Variants in MYO1C observed in about 807,000 individuals in gnomAD.
MYO1C encodes unconventional myosin-Ic.
In MYO1C, 104 loss-of-function variants were observed where a neutral mutation model predicts 150.8. The observed-to-expected ratio is 0.69, with a 90% CI of 0.59 to 0.81. The LOEUF is 0.81. Among genes scored for constraint, MYO1C ranks in the 30% least tolerant of loss-of-function variants. The pLI is 0.00. For synonymous variants in MYO1C, 663 were observed against 579.9 expected (o/e 1.14, Z -2.06); for missense variants, 1,504 against 1,435.0 (o/e 1.05, Z -0.78).
At chr17:1,469,670 G>A (rs2074258122) in intron 24 of MYO1C, 56 bp from the exon 25 acceptor site, 1 of 1,385,374 alleles carries the variant, frequency 7.2e-7, no homozygotes, top group Admixed American at 1.8e-5. Flanking sequence ...TCCCTCTGAA[G>A]ACATCGAACA....
In MYO1C at chr17:1,482,963, C is replaced by T. The variant is rs1474419157; in HGVS notation, c.444G>A (p.Glu148=). 6.2e-7 allele frequency: 1 copy of T among 1,612,414 alleles called. No homozygotes were observed. The highest frequency in any genetic ancestry group is 8.5e-7 in the Non-Finnish European group (1 of 1,179,932). ...ISGESGAGKT[E]ATKRLLQFYA... The stretch of plus-strand genomic sequence containing the variant: ...AGAACTGCAGCAGCCTCTTGGTGGC[C>T]TCGGTCTTGCCTGCCCCGCTCTCCC... The change falls in exon 4 of 32, where the codon GAG becomes GAA. Residue 148 remains glutamate, a synonymous_variant. Coordinates refer to ENST00000648651, the MANE Select transcript of MYO1C (RefSeq NM_001080779.2).
At chr17:1,471,357 G>A (rs544379585) in intron 19 of MYO1C, 21 bp from the exon 20 acceptor site, 162 of 1,605,922 alleles carry the variant, frequency 1.0e-4, no homozygotes, top group Non-Finnish European at 1.2e-4. Context: ...GAATGCACGC[G>A]GCTCCCACCC....
intron 1 of MYO1C, chr17:1,484,974 C>A: frequency 1.8e-6 from 1 of 562,320 alleles, no homozygotes; most frequent in Non-Finnish European, 3.1e-6. Context: ...GGGCCTCCCA[C>A]CCCAGCTGGG....
chr17:1,491,448 C>CT (rs1491196535), intron 1 of MYO1C, among the ~76,000 whole-genome samples: 5 of 37,066 alleles, frequency 1.3e-4, no homozygotes, highest in African/African-American at 2.4e-4. Context: ...GGTCGTGGGA[C>CT]CCCCCCCCCC....
chr17:1,468,620 A>T, intron 25 of MYO1C, 124 bp from the exon 26 acceptor site: 5 of 767,352 alleles, frequency 6.5e-6, no homozygotes, highest in Non-Finnish European at 1.1e-5. Context: ...CTGGCTCAGC[A>T]CCAGGAGGCT....
Position 1,465,604 on chromosome 17 carries a change from T to G in MYO1C, c.*122A>C. 1 of 1,043,232 alleles carries G rather than the reference T, an allele frequency of 9.6e-7. No homozygotes were observed. Among genetic ancestry groups the G allele is most frequent in the South Asian group, 3.4e-5 (1 of 29,784 alleles). 64.6% of individuals were successfully genotyped at this position (1,043,232 alleles called of 1,614,324 possible). ...GAGGGATGGGCAGGAGGTGGGAGATTGCAGGTGGGCTTCGGGGTGTCCCTG... is the reference window on the plus strand; with the variant it reads ...GAGGGATGGGCAGGAGGTGGGAGATGGCAGGTGGGCTTCGGGGTGTCCCTG... On this transcript the variant is annotated 3_prime_UTR_variant, in exon 32 of 32. Coordinates refer to ENST00000648651, the MANE Select transcript of MYO1C (RefSeq NM_001080779.2).
chr17:1,467,098 A>G lies in MYO1C; in HGVS notation c.3165+144T>C, dbSNP rs73976222. The G allele has an allele frequency of 4.7e-3, 3,710 of 793,616 alleles. 102 individuals are homozygous for G. The African/African-American group carries it at 0.056, about 12-fold the overall frequency. 49.2% of individuals were successfully genotyped at this position (793,616 alleles called of 1,614,324 possible). A position where few individuals can be genotyped will look rare whatever the true frequency, so the allele number is the denominator to read the frequency against. On this transcript the variant is annotated intron_variant, in intron 31 of 31. Coordinates refer to ENST00000648651, the MANE Select transcript of MYO1C (RefSeq NM_001080779.2). ...CACTGAGGGGCTCTCTCTGGCCCTC[A>G]TGGGTGGGCCAAGGGATGGAAGAGG...
At position 1,479,956 on chromosome 17, in the gene MYO1C, G is replaced by A. The variant is rs1439664680; in HGVS notation, c.907-251C>T. On this transcript the variant is annotated intron_variant, in intron 7 of 31. Transcript: ENST00000648651. This position sits in a 1 kb window ranked among gnomAD's most constrained non-coding sequence, Gnocchi z 4.2. ...AGGTCAGGAGTTCGAGACCAGCCCA[G>A]CCAACATGGCAAAACCCCATCATTA... is the stretch of plus-strand genomic sequence containing the variant. 1.3e-5 allele frequency among the ~76,000 whole-genome samples: 2 copies of A among 151,896 alleles called. No homozygotes were observed. Among genetic ancestry groups the A allele is most frequent in the East Asian group, 3.9e-4 (2 of 5,130 alleles).
chr17:1,481,990 C>T (rs1378419084), intron 5 of MYO1C, among the ~76,000 whole-genome samples: 9 of 152,110 alleles, frequency 5.9e-5, no homozygotes, highest in African/African-American at 1.7e-4. Context: ...CTGGCTGTTC[C>T]GTTCCCGCTG....
intron 22 of MYO1C, 24 bp downstream of exon 22, chr17:1,470,597 C>A: frequency 6.2e-7 from 1 of 1,608,892 alleles, no homozygotes; most frequent in South Asian, 1.1e-5. Context: ...CCCGCCCCTC[C>A]TGAACACCCA....
Position 1,470,618 on chromosome 17 carries a change from A to G in MYO1C, c.2281+3T>C. ...CCTCCTGAACACCCATGGGCCCGCG[A>G]ACCTGATCTCTTCACCCGGAGGAAT... On this transcript the variant is annotated splice_donor_region_variant and intron_variant, in intron 22 of 31. Transcript: ENST00000648651. 1 of 1,607,876 alleles carries G rather than the reference A, an allele frequency of 6.2e-7. No individual in the cohort carries two copies. The highest frequency in any genetic ancestry group is 2.2e-5 in the East Asian group (1 of 44,696).
At chr17:1,484,040 C>CAAA in intron 2 of MYO1C, 108 bp downstream of exon 2, 71 of 1,178,288 alleles carry the variant, frequency 6.0e-5, no homozygotes, top group Non-Finnish European at 7.0e-5. Flanking sequence ...GAAACTGTCT[C>CAAA]AAAAAAAAAA....
chr17:1,477,586 C>T lies in MYO1C; in HGVS notation c.1493G>A (p.Cys498Tyr), dbSNP rs2074425185. The T allele has an allele frequency of 6.2e-7, 1 of 1,613,432 alleles. No individual in the cohort carries two copies. The highest frequency in any genetic ancestry group is 8.5e-7 in the Non-Finnish European group (1 of 1,179,970). ...GTCTGTGGCCTCCCCGGGGCGCAGA[C>T]ACTCCTCATCCTGGGGGGTGTGGCA... is the stretch of plus-strand genomic sequence containing the variant. ...KGIISILDEE[C>Y]LRPGEATDLT... Residue 498 changes from cysteine to tyrosine, a missense_variant, in exon 14 of 32, where the codon TGT (cysteine) becomes TAT (tyrosine). Transcript: ENST00000648651.
rs1281149043 is a variant in MYO1C, at chr17:1,478,355, G to A, written c.1295+55C>T. 3 of 1,604,984 alleles carry A rather than the reference G, an allele frequency of 1.9e-6. No individual in the cohort carries two copies. Among genetic ancestry groups the A allele is most frequent in the African/African-American group, 1.3e-5 (1 of 74,794 alleles). ...AGGAATGAGAGGCTGGAGGACAGAA[G>A]AGAGGGAGCAGGACAGGAGACCGGG... On this transcript the variant is annotated intron_variant, in intron 11 of 31. Transcript: ENST00000648651. The surrounding 1 kb of genome is among the most constrained non-coding windows in gnomAD (Gnocchi z 6.3).
rs2074274252 is a variant in MYO1C at position 1,470,315 on chromosome 17, G to A, written c.2386C>T (p.Leu796=). The A allele has an allele frequency of 6.4e-7, 1 of 1,559,948 alleles. No individual in the cohort carries two copies. The highest frequency in any genetic ancestry group is 8.7e-7 in the Non-Finnish European group (1 of 1,151,988). The part of the protein sequence containing the change: ...TIRRLIRGFV[L]RHAPRCPENA... ...TCGGGGCAGCGGGGGGCGTGGCGCAGGACGAAGCCTCGGATGAGCCTGGGG... is the reference window on the plus strand; with the variant it reads ...TCGGGGCAGCGGGGGGCGTGGCGCAAGACGAAGCCTCGGATGAGCCTGGGG... Residue 796 remains leucine (L), a synonymous_variant, in exon 24 of 32, where the codon CTG becomes TTG. Coordinates refer to ENST00000648651, the MANE Select transcript of MYO1C (RefSeq NM_001080779.2).
At position 1,480,877 on chromosome 17, in the gene MYO1C, G is replaced by A. The variant is rs1255192261; in HGVS notation, c.636C>T (p.Pro212=). 26 of 1,613,718 alleles carry A rather than the reference G, an allele frequency of 1.6e-5. No homozygotes were observed. Among genetic ancestry groups the A allele is most frequent in the Middle Eastern group, 3.3e-4 (2 of 6,084 alleles). ...MDVQFDFKGA[P]VGGHILSYLL... ...GGTAACTGAGGATGTGGCCACCCAC[G>A]GGGGCACCCTGTGGGCAGGGCAGGG... The change falls in exon 6 of 32, where the codon CCC becomes CCT. Residue 212 remains proline (P), a synonymous_variant. Coordinates refer to ENST00000648651, the MANE Select transcript of MYO1C (RefSeq NM_001080779.2).
chr17:1,478,260 G>A lies in MYO1C; in HGVS notation c.1296-68C>T. On this transcript the variant is annotated intron_variant, in intron 11 of 31. Transcript: ENST00000648651. The surrounding 1 kb of genome is among the most constrained non-coding windows in gnomAD (Gnocchi z 6.3). ...CAGGACCAGGAGAGGGGAAAAGCTG[G>A]ACGACGCCCCTGAGCACAGGAGGTG... 1 of 1,570,502 alleles carries A rather than the reference G, an allele frequency of 6.4e-7. No individual in the cohort carries two copies. The highest frequency in any genetic ancestry group is 2.2e-5 in the East Asian group (1 of 44,684).
rs547652522 is a variant in MYO1C, at chr17:1,471,405, C to T, written c.2022-69G>A. ...TGCCCTGGGGACCCCAATCAGCTTT[C>T]TCTGGGCACCTGCTGGGTGCTCCCA... On this transcript the variant is annotated intron_variant, in intron 19 of 31. Coordinates refer to ENST00000648651, the MANE Select transcript of MYO1C (RefSeq NM_001080779.2). 14 of 1,305,076 alleles carry T rather than the reference C, an allele frequency of 1.1e-5. 1 individual carries two copies. Among genetic ancestry groups the T allele is most frequent in the African/African-American group, 4.4e-5 (3 of 68,796 alleles). 80.8% of individuals were successfully genotyped at this position (1,305,076 alleles called of 1,614,324 possible). A position where few individuals can be genotyped will look rare whatever the true frequency, so the allele number is the denominator to read the frequency against.
At chr17:1,482,351 G>T in intron 5 of MYO1C, 127 bp downstream of exon 5, 1 of 875,936 alleles carries the variant, frequency 1.1e-6, no homozygotes, top group Non-Finnish European at 1.9e-6. Flanking sequence ...TGGAAGGCAG[G>T]ATTTTTGTTT....
Sources: gnomAD v4.1 joint callset for allele counts (sites outside exome capture counted in the v4.1 genomes callset) on GRCh38, gnomAD v4.1.1 for gene constraint, Gnocchi (gnomAD v3.1) non-coding constraint, MANE v1.5 for transcripts, NCBI Gene and HGNC (gene_info 2026-07-23, HGNC 2026-07-21) for gene names.